The following OGFOD3 variants were observed in gnomAD, a reference collection of about 807,000 sequenced individuals.
The protein encoded by OGFOD3 is 2-oxoglutarate and iron dependent oxygenase domain containing 3.
OGFOD3 carries 35 observed loss-of-function variants against 39.8 expected under a neutral mutation model. The observed-to-expected ratio is 0.88, with a 90% CI of 0.67 to 1.17. The LOEUF is 1.17. Among genes scored for constraint, OGFOD3 ranks in the 50% most tolerant of loss-of-function variants. The pLI is 0.00. For synonymous variants in OGFOD3, 200 were observed against 192.0 expected (o/e 1.04, Z -0.34); for missense variants, 438 against 454.5 (o/e 0.96, Z 0.33).
chr17:82,406,476 T>C lies in OGFOD3; in HGVS notation c.430A>G (p.Ile144Val), dbSNP rs146574270. ...AGGGCCCCTGAGTGCAAGTCCAGAA[T>C]GGATGCCTGGAAAAGACGTTGTGGA... ...SLGGSDGGAS[I>V]LDLHSGALSV... is the part of the protein sequence containing the mutation. The change falls in exon 5 of 9, where the codon ATT becomes GTT. Residue 144 changes from isoleucine to valine, a missense_variant. By Grantham distance (29) the Ile-to-Val change is conservative. Coordinates refer to ENST00000313056, the MANE Select transcript of OGFOD3 (RefSeq NM_024648.3). This position sits in a 1 kb window ranked among gnomAD's most constrained non-coding sequence, Gnocchi z 5.2. 4.5e-5 allele frequency: 72 copies of C among 1,614,002 alleles called. No individual in the cohort carries two copies. Among genetic ancestry groups the C allele is most frequent in the Non-Finnish European group, 5.8e-5 (68 of 1,179,982 alleles).
intron 4 of OGFOD3, among the ~76,000 whole-genome samples, chr17:82,408,360 C>T: frequency 6.6e-6 from 1 of 152,172 alleles, no homozygotes; most frequent in East Asian, 1.9e-4. Context: ...GATCTTCAGA[C>T]AATTCCACAC....
At chr17:82,407,079 T>A (rs187460917) in intron 4 of OGFOD3, among the ~76,000 whole-genome samples, 1 of 152,132 alleles carries the variant, frequency 6.6e-6, no homozygotes, top group Non-Finnish European at 1.5e-5. Flanking sequence ...TAGCTGGGCA[T>A]GGTGGCGAGC....
At position 82,405,392 on chromosome 17, in the gene OGFOD3, G is replaced by C; in HGVS notation, c.489-12C>G. ...TATCCCCGAAGTATCTGTGAAAAAA[G>C]GAGTATTCACAAAGGTCACAACACT... On this transcript the variant is annotated splice_polypyrimidine_tract_variant and intron_variant, in intron 5 of 8. Transcript: ENST00000313056. 1 of 1,610,268 alleles carries C rather than the reference G, an allele frequency of 6.2e-7. No homozygotes were observed. Among genetic ancestry groups the C allele is most frequent in the South Asian group, 1.1e-5 (1 of 91,016 alleles).
At chr17:82,396,967 G>T (rs911006779) in intron 8 of OGFOD3, 2 of 152,272 alleles carry the variant, frequency 1.3e-5, no homozygotes, top group Non-Finnish European at 2.9e-5. Flanking sequence ...GCTGCAGGGA[G>T]TGGGCTTGGC....
At chr17:82,407,213 C>T (rs1488159987) in intron 4 of OGFOD3, among the ~76,000 whole-genome samples, 5 of 151,022 alleles carry the variant, frequency 3.3e-5, no homozygotes, top group African/African-American at 7.3e-5. Context: ...TGCAGCGAGC[C>T]GAGATCGTGC....
rs1475955102 is a variant in OGFOD3, at chr17:82,392,334, G to A, written c.*64C>T. On this transcript the variant is annotated 3_prime_UTR_variant, in exon 9 of 9. Transcript: ENST00000313056. This position sits in a 1 kb window ranked among gnomAD's most constrained non-coding sequence, Gnocchi z 4.2. ...CAGGAGCGGGTGGACGTGGGGGTGG[G>A]TGCACGACTGGCGCGGCTGCCTCCA... The A allele has an allele frequency of 6.4e-7, 1 of 1,555,520 alleles. No homozygotes were observed. The highest frequency in any genetic ancestry group is 2.3e-5 in the East Asian group (1 of 42,816).
chr17:82,411,878 T>C (rs1266289589), intron 2 of OGFOD3, among the ~76,000 whole-genome samples: 1 of 151,898 alleles, frequency 6.6e-6, no homozygotes, highest in Non-Finnish European at 1.5e-5. Flanking sequence ...AGAAAACCCT[T>C]CTGAGACCAC....
At position 82,415,049 on chromosome 17, in the gene OGFOD3, G is replaced by C. The variant is rs990626965; in HGVS notation, c.304+349C>G. 1.3e-5 allele frequency among the ~76,000 whole-genome samples: 2 copies of C among 152,212 alleles called. No homozygotes were observed. The highest frequency in any genetic ancestry group is 4.8e-5 in the African/African-American group (2 of 41,444). On this transcript the variant is annotated intron_variant, in intron 2 of 8. Transcript: ENST00000313056. This position sits in a 1 kb window ranked among gnomAD's most constrained non-coding sequence, Gnocchi z 5.3. ...TGGGGCACAGGACGGCAGAAGGGCT[G>C]CTGGTCGTTTCTTGTTACATTTTCC...
rs1347673918 is a variant in OGFOD3, at chr17:82,404,041, T to G, written c.595A>C (p.Ser199Arg). Residue 199 changes from serine to arginine, a missense_variant, in exon 7 of 9, where the codon AGC becomes CGC. Ser to Arg is a moderately radical substitution (Grantham distance 110, BLOSUM62 -1). Coordinates refer to ENST00000313056, the MANE Select transcript of OGFOD3 (RefSeq NM_024648.3). This position sits in a 1 kb window ranked among gnomAD's most constrained non-coding sequence, Gnocchi z 4.5. ...QLTIAEAFGI[S>R]ASSLHLTKPT... Reference sequence around the variant, plus strand: ...TTGGTCAGATGCAGCGAGGATGCGCTGATGCCAAAAGCCTCAGCAATGGTG... The same window carrying G: ...TTGGTCAGATGCAGCGAGGATGCGCGGATGCCAAAAGCCTCAGCAATGGTG... The G allele has an allele frequency of 6.2e-7, 1 of 1,610,254 alleles. No homozygotes were observed. The highest frequency in any genetic ancestry group is 8.5e-7 in the Non-Finnish European group (1 of 1,178,402).
intron 7 of OGFOD3, chr17:82,400,916 G>A (rs1337346182): frequency 6.6e-6 from 1 of 152,182 alleles, no homozygotes; most frequent in Non-Finnish European, 1.5e-5. Context: ...AATTCGGTCA[G>A]GGGCCATGGA....
intron 7 of OGFOD3, among the ~76,000 whole-genome samples, chr17:82,398,575 T>C (rs191141921): frequency 6.6e-6 from 1 of 152,136 alleles, no homozygotes; most frequent in Admixed American, 6.5e-5. Context: ...AATTTTGTAT[T>C]TTTAGTAGAG....
chr17:82,397,584 C>T (rs2052696224), intron 8 of OGFOD3, among the ~76,000 whole-genome samples: 1 of 152,122 alleles, frequency 6.6e-6, no homozygotes, highest in Admixed American at 6.5e-5. Context: ...CCCTCCCACC[C>T]CAGGATCTGG....
At chr17:82,417,981 C>T (rs984450260) in intron 1 of OGFOD3, among the ~76,000 whole-genome samples, 1 of 152,216 alleles carries the variant, frequency 6.6e-6, no homozygotes, top group African/African-American at 2.4e-5. Flanking sequence ...TCCATGGCAC[C>T]CGATCCTCTA....
In OGFOD3 at chr17:82,406,580, G is replaced by A. The variant is rs2052859619; in HGVS notation, c.424-98C>T. On this transcript the variant is annotated intron_variant, in intron 4 of 8. Transcript: ENST00000313056. This position sits in a 1 kb window ranked among gnomAD's most constrained non-coding sequence, Gnocchi z 5.2. ...AATGCGAGTTTCCAAGGTCTGGCCA[G>A]CACACACCTCAGGTGTTTTTTTGTT... 1 of 989,546 alleles carries A rather than the reference G, an allele frequency of 1.0e-6. No individual in the cohort carries two copies. Among genetic ancestry groups the A allele is most frequent in the Non-Finnish European group, 1.6e-6 (1 of 619,806 alleles). 61.3% of individuals were successfully genotyped at this position (989,546 alleles called of 1,614,324 possible). A position where few individuals can be genotyped will look rare whatever the true frequency, so the allele number is the denominator to read the frequency against.
In OGFOD3 at chr17:82,390,568, G is replaced by A; in HGVS notation, c.*1830C>T. On this transcript the variant is annotated 3_prime_UTR_variant, in exon 9 of 9. Transcript: ENST00000313056. This position sits in a 1 kb window ranked among gnomAD's most constrained non-coding sequence, Gnocchi z 4.9. Reference sequence around the variant, plus strand: ...GAGCCTCAGGGTTCCTGCCCCATCTGCCCAGAGCCTGCAGCCCTGACCAAG... The same window carrying A: ...GAGCCTCAGGGTTCCTGCCCCATCTACCCAGAGCCTGCAGCCCTGACCAAG... The A allele has an allele frequency of 6.3e-6, 1 of 159,072 alleles. No individual in the cohort carries two copies. The highest frequency in any genetic ancestry group is 1.4e-5 in the Non-Finnish European group (1 of 72,100). 9.9% of individuals were successfully genotyped at this position (159,072 alleles called of 1,614,324 possible).
intron 3 of OGFOD3, among the ~76,000 whole-genome samples, chr17:82,410,591 C>T (rs1446699999): frequency 2.6e-5 from 4 of 152,150 alleles, no homozygotes; most frequent in Admixed American, 2.6e-4. Flanking sequence ...GAGGCGGCCA[C>T]AACCCCTGCA....
chr17:82,418,212 A>C (rs908841838), intron 1 of OGFOD3, 200 bp downstream of exon 1: 7 of 407,426 alleles, frequency 1.7e-5, no homozygotes, highest in African/African-American at 6.4e-5. Context: ...GCCGTCGGCT[A>C]CCGCGGCTCC....
chr17:82,412,504 G>A (rs1313974114), intron 2 of OGFOD3, among the ~76,000 whole-genome samples: 1 of 150,234 alleles, frequency 6.7e-6, no homozygotes, highest in Non-Finnish European at 1.5e-5. Flanking sequence ...GTGTCGTTGG[G>A]ACAGGATCAG....
rs2052839496 is a variant in OGFOD3, at chr17:82,405,361, G to A, written c.508C>T (p.Gln170Ter). The A allele has an allele frequency of 6.2e-7, 1 of 1,613,944 alleles. No individual in the cohort carries two copies. The change falls in exon 6 of 9, where the codon CAG (glutamine) becomes TAG (stop). Residue 170 changes from glutamine to a stop codon, truncating the protein, a stop_gained. Coordinates refer to ENST00000313056, the MANE Select transcript of OGFOD3 (RefSeq NM_024648.3). LOFTEE classifies it high-confidence loss of function. Reference protein sequence around the residue: ...NLYRYFGDKIQNIFSEEDFRL... With the variant: ...NLYRYFGDKI ...AAGTCCTCCTCTGAGAAGATGTTCT[G>A]TATTTTATCCCCGAAGTATCTGTGA...
Sources: allele counts gnomAD v4.1 joint callset (sites outside exome capture counted in the v4.1 genomes callset), GRCh38; gene constraint gnomAD v4.1.1; non-coding constraint Gnocchi (gnomAD v3.1); transcripts MANE v1.5; gene names NCBI Gene and HGNC (gene_info 2026-07-23, HGNC 2026-07-21).